The following PRKN variants were observed in gnomAD, a reference collection of about 807,000 sequenced individuals.
PRKN encodes E3 ubiquitin-protein ligase parkin.
Under a neutral mutation model 59.5 loss-of-function variants are expected in PRKN, and 56 were observed. The observed-to-expected ratio is 0.94, with a 90% CI of 0.76 to 1.18. PRKN has a LOEUF of 1.18. Ranked by LOEUF, PRKN falls within the 50% of genes most tolerant of loss-of-function variation. The pLI, the probability that PRKN is intolerant of heterozygous loss-of-function variation, is 0.00. For missense variants in PRKN, 657 were observed against 596.4 expected (o/e 1.10, Z -1.06); for synonymous variants, 250 against 222.1 (o/e 1.13, Z -1.12).
At chr6:162,348,047 A>T (rs1398352877) in intron 2 of PRKN, among the ~76,000 whole-genome samples, 3 of 152,198 alleles carry the variant, frequency 2.0e-5, no homozygotes, top group Non-Finnish European at 4.4e-5. Context: ...AGTGTCAGAG[A>T]TCTGCAAAGA....
chr6:162,644,316 C>T (rs1028711524), intron 1 of PRKN, among the ~76,000 whole-genome samples: 2 of 152,156 alleles, frequency 1.3e-5, no homozygotes, highest in Admixed American at 6.6e-5. Flanking sequence ...GAAGCACACA[C>T]CACCAGTCCA....
chr6:162,154,465 G>A lies in PRKN; in HGVS notation c.534+46666C>T, dbSNP rs118182115. On this transcript the variant is annotated intron_variant, in intron 4 of 11. Coordinates refer to ENST00000366898, the MANE Select transcript of PRKN (RefSeq NM_004562.3). ...AAGTAGATGTGTTACAATAAAAAAT[G>A]TTAGTAGATCAAGAAAATACTGAAT... Among the ~76,000 whole-genome samples the A allele has an allele frequency of 2.1e-4, 31 of 151,014 alleles. 2 individuals carry two copies. In the East Asian group the frequency reaches 5.9e-3, roughly 29 times the overall value.
At chr6:161,997,827 A>T (rs1299530402) in intron 5 of PRKN, among the ~76,000 whole-genome samples, 3 of 152,110 alleles carry the variant, frequency 2.0e-5, no homozygotes, top group Non-Finnish European at 4.4e-5. Flanking sequence ...CATCACCAAC[A>T]CCTGGTGCTC....
chr6:162,088,638 C>A (rs1779352853), intron 4 of PRKN, among the ~76,000 whole-genome samples: 1 of 151,960 alleles, frequency 6.6e-6, no homozygotes, highest in African/African-American at 2.4e-5. Context: ...GGGTAAATTC[C>A]AAGAAAGACA....
intron 9 of PRKN, among the ~76,000 whole-genome samples, chr6:161,392,755 A>G (rs919096555): frequency 4.7e-5 from 6 of 128,820 alleles, no homozygotes; most frequent in African/African-American, 1.9e-4. Context: ...CTAAATGCCT[A>G]AAAGGAGGTA....
intron 1 of PRKN, among the ~76,000 whole-genome samples, chr6:162,609,201 C>A (rs10945852): frequency 0.19 from 28,205 of 152,088 alleles, 3,244 homozygotes; most frequent in East Asian, 0.49. Flanking sequence ...CAGGGTCATG[C>A]ATTTAGGAAA....
intron 2 of PRKN, among the ~76,000 whole-genome samples, chr6:162,378,571 T>C (rs1555011): frequency 0.27 from 40,521 of 152,190 alleles, 5,611 homozygotes; most frequent in African/African-American, 0.3. Context: ...TCGTCTGCTA[T>C]AGTTAGTCTT....
At chr6:162,209,399 A>G (rs748138709) in intron 3 of PRKN, among the ~76,000 whole-genome samples, 1 of 152,170 alleles carries the variant, frequency 6.6e-6, no homozygotes, top group Admixed American at 6.5e-5. Flanking sequence ...CAAAACCACA[A>G]TGAGATACCA....
At chr6:162,082,330 G>C (rs543701490) in intron 4 of PRKN, among the ~76,000 whole-genome samples, 1 of 152,030 alleles carries the variant, frequency 6.6e-6, no homozygotes, top group Non-Finnish European at 1.5e-5. Flanking sequence ...GGAACTGTAA[G>C]TGCATTCAAC....
intron 6 of PRKN, among the ~76,000 whole-genome samples, chr6:161,875,202 C>T (rs114367144): frequency 0.039 from 5,465 of 141,240 alleles, 382 homozygotes; most frequent in African/African-American, 0.14. Context: ...TATATGTATA[C>T]ATTTTTTTCT....
intron 6 of PRKN, among the ~76,000 whole-genome samples, chr6:161,796,528 G>C (rs1393847154): frequency 6.6e-6 from 1 of 151,990 alleles, no homozygotes; most frequent in East Asian, 1.9e-4. Context: ...CGTGTAAAAA[G>C]AAAAGAAAAG....
At position 161,367,091 on chromosome 6, in the gene PRKN, C is replaced by T. The variant is rs1785237013; in HGVS notation, c.1168-6886G>A. ...CTGCAAGCTCCGCCTCCCGGGTTCA[C>T]GCCATTCTCCTGCCTCAGCCTCCCG... On this transcript the variant is annotated intron_variant, in intron 10 of 11. Transcript: ENST00000366898. Among the ~76,000 whole-genome samples the T allele has an allele frequency of 2.0e-5, 3 of 148,918 alleles. No individual in the cohort carries two copies. In the South Asian group the frequency reaches 6.4e-4, roughly 32 times the overall value.
rs1225260780 is a variant in PRKN at position 162,056,319 on chromosome 6, A to G, written c.535-2145T>C. On this transcript the variant is annotated intron_variant, in intron 4 of 11. Transcript: ENST00000366898. This position sits in a 1 kb window ranked among gnomAD's most constrained non-coding sequence, Gnocchi z 4.9. ...GCATAAACACACCACGCACACACGC[A>G]CACACACACAATACCACACAGCACA... 2.0e-5 allele frequency among the ~76,000 whole-genome samples: 3 copies of G among 151,850 alleles called. No homozygotes were observed. Among genetic ancestry groups the G allele is most frequent in the Non-Finnish European group, 4.4e-5 (3 of 67,946 alleles).
chr6:162,126,229 C>T (rs890363083), intron 4 of PRKN, among the ~76,000 whole-genome samples: 1 of 152,148 alleles, frequency 6.6e-6, no homozygotes, highest in African/African-American at 2.4e-5. Flanking sequence ...CATTCTCATT[C>T]CCAATGGGAA....
intron 4 of PRKN, among the ~76,000 whole-genome samples, chr6:162,140,632 A>G (rs1781736704): frequency 6.6e-6 from 1 of 152,098 alleles, no homozygotes; most frequent in South Asian, 2.1e-4. Context: ...CCACTGGAGG[A>G]AAGACAATTG....
At chr6:162,408,786 C>T (rs1788202180) in intron 2 of PRKN, among the ~76,000 whole-genome samples, 2 of 152,160 alleles carry the variant, frequency 1.3e-5, no homozygotes, top group South Asian at 4.1e-4. Context: ...GTCTCATCTT[C>T]ACCATGGACA....
chr6:161,691,187 C>T (rs1463915253), intron 7 of PRKN, among the ~76,000 whole-genome samples: 1 of 152,180 alleles, frequency 6.6e-6, no homozygotes, highest in Non-Finnish European at 1.5e-5. Context: ...GCTTTAGAAA[C>T]CTCCATCTCT....
At chr6:162,424,470 T>C (rs1789124476) in intron 2 of PRKN, among the ~76,000 whole-genome samples, 2 of 152,082 alleles carry the variant, frequency 1.3e-5, no homozygotes, top group Non-Finnish European at 2.9e-5. Context: ...GCGTGGTGGC[T>C]CACGCTTGTA....
intron 10 of PRKN, among the ~76,000 whole-genome samples, chr6:161,367,962 G>A (rs1353357762): frequency 6.6e-6 from 1 of 152,076 alleles, no homozygotes; most frequent in South Asian, 2.1e-4. Flanking sequence ...GCGAGCAGTC[G>A]GTTCAGAATC....
Sources: allele counts gnomAD v4.1 joint callset (sites outside exome capture counted in the v4.1 genomes callset), GRCh38; gene constraint gnomAD v4.1.1; non-coding constraint Gnocchi (gnomAD v3.1); transcripts MANE v1.5; gene names NCBI Gene and HGNC (gene_info 2026-07-23, HGNC 2026-07-21).